The following ARHGAP6 variants were observed in gnomAD, a reference collection of about 807,000 sequenced individuals.
ARHGAP6 encodes the protein Rho GTPase activating protein 6, also known as rho GTPase-activating protein 6.
A neutral mutation model predicts 55.7 loss-of-function variants in ARHGAP6; 16 were observed. The observed-to-expected ratio is 0.29, with a 90% CI of 0.19 to 0.44. The LOEUF (loss-of-function observed/expected upper bound fraction) is 0.44. Among genes scored for constraint, ARHGAP6 ranks in the 20% least tolerant of loss-of-function variants. ARHGAP6 has a pLI of 1.00. For synonymous variants in ARHGAP6, 382 were observed against 360.9 expected, an observed-to-expected ratio of 1.06 and a Z score of -0.66; for missense variants, 698 against 808.9, an observed-to-expected ratio of 0.86 and a Z score of 1.66.
chrX:11,221,385 GT>G, intron 2 of ARHGAP6: 1 of 159,647 alleles, frequency 6.3e-6, no homozygotes. Flanking sequence ...TTGCAGGTAT[GT>G]TTTAGGAGCT....
intron 1 of ARHGAP6, among the ~76,000 whole-genome samples, chrX:11,554,482 G>A (rs1277344774): frequency 8.9e-6 from 1 of 111,862 alleles, no homozygotes; most frequent in African/African-American, 3.2e-5. Context: ...ATAAATGCTC[G>A]AGGTGATGGA....
intron 1 of ARHGAP6, among the ~76,000 whole-genome samples, chrX:11,410,362 G>C (rs924702583): frequency 8.9e-6 from 1 of 112,469 alleles, no homozygotes; most frequent in Non-Finnish European, 1.9e-5. Context: ...AGTGAAAGGA[G>C]ACAGTCACAA....
intron 1 of ARHGAP6, among the ~76,000 whole-genome samples, chrX:11,555,933 T>A (rs749093457): frequency 7.2e-5 from 8 of 110,640 alleles, no homozygotes; most frequent in African/African-American, 2.6e-4. Flanking sequence ...CCAGAATACA[T>A]AGGTCAACAC....
At chrX:11,506,033 C>G (rs1443409473) in intron 1 of ARHGAP6, among the ~76,000 whole-genome samples, 2 of 110,914 alleles carry the variant, frequency 1.8e-5, no homozygotes, top group Non-Finnish European at 3.8e-5. Flanking sequence ...ACCCCTGAAC[C>G]TAAAATAAAA....
At chrX:11,278,260 T>G (rs990503688) in intron 1 of ARHGAP6, among the ~76,000 whole-genome samples, 2 of 111,747 alleles carry the variant, frequency 1.8e-5, no homozygotes, top group Non-Finnish European at 3.8e-5. Flanking sequence ...GTTAATAACC[T>G]TGAGAGGGGG....
chrX:11,388,023 T>C (rs1569324598), intron 1 of ARHGAP6, among the ~76,000 whole-genome samples: 1 of 112,145 alleles, frequency 8.9e-6, no homozygotes. Flanking sequence ...TACGTGTGCA[T>C]GTGTCTTTAT....
chrX:11,536,176 C>G (rs887105573), intron 1 of ARHGAP6, among the ~76,000 whole-genome samples: 1 of 111,489 alleles, frequency 9.0e-6, no homozygotes, highest in African/African-American at 3.3e-5. Context: ...TCTCAGCACT[C>G]GCTGCTTCAG....
chrX:11,221,036 A>G (rs1001217680), intron 2 of ARHGAP6, among the ~76,000 whole-genome samples: 5 of 112,265 alleles, frequency 4.5e-5, no homozygotes, highest in Non-Finnish European at 7.5e-5. Flanking sequence ...GAGACAAAGA[A>G]GGACATTACA....
At position 11,146,678 on chromosome X, in the gene ARHGAP6, G is replaced by A. The variant is rs141199557; in HGVS notation, c.1908-2430C>T. On this transcript the variant is annotated intron_variant, in intron 10 of 12. Transcript: ENST00000337414. The stretch of plus-strand genomic sequence containing the variant: ...ACTGTTAACAACTCTCCTTTTTCCT[G>A]ACCTGAGTCTGGGATTGAGTGAAAG... 2.7e-3 allele frequency among the ~76,000 whole-genome samples: 304 copies of A among 112,178 alleles called. 2 individuals carry two copies. The highest frequency in any genetic ancestry group is 9.5e-3 in the African/African-American group (293 of 30,894).
intron 1 of ARHGAP6, among the ~76,000 whole-genome samples, chrX:11,451,053 C>A (rs1272141996): frequency 1.8e-5 from 2 of 111,336 alleles, no homozygotes; most frequent in African/African-American, 6.5e-5. Context: ...GCATAGCTTG[C>A]CCAGGGATGC....
intron 1 of ARHGAP6, among the ~76,000 whole-genome samples, chrX:11,271,080 A>T (rs981926399): frequency 6.3e-5 from 7 of 111,919 alleles, no homozygotes; most frequent in Non-Finnish European, 1.3e-4. Context: ...TTCTTGAAAT[A>T]AGAAGGAAAC....
intron 1 of ARHGAP6, among the ~76,000 whole-genome samples, chrX:11,655,043 C>T (rs1199940227): frequency 1.8e-5 from 2 of 111,623 alleles, no homozygotes; most frequent in African/African-American, 6.5e-5. Context: ...CATTAGCTGT[C>T]GCTCCACATC....
chrX:11,647,122 A>T (rs1034686015), intron 1 of ARHGAP6, among the ~76,000 whole-genome samples: 3 of 112,219 alleles, frequency 2.7e-5, no homozygotes, highest in Admixed American at 1.9e-4. Flanking sequence ...AGAGATGTTA[A>T]CGTAATTGCT....
At chrX:11,391,103 G>A (rs866632418) in intron 1 of ARHGAP6, among the ~76,000 whole-genome samples, 1 of 111,990 alleles carries the variant, frequency 8.9e-6, no homozygotes, top group African/African-American at 3.3e-5. Context: ...AGAAAATGTG[G>A]CACATATACA....
chrX:11,467,276 G>A (rs770558840), intron 1 of ARHGAP6, among the ~76,000 whole-genome samples: 313 of 109,757 alleles, frequency 2.9e-3, no homozygotes, highest in Non-Finnish European at 3.1e-3. Flanking sequence ...CCATTTCCAC[G>A]AAATATTTAA....
chrX:11,152,669 C>T (rs927362764), intron 10 of ARHGAP6, among the ~76,000 whole-genome samples: 3 of 111,919 alleles, frequency 2.7e-5, no homozygotes, highest in Non-Finnish European at 5.6e-5. Context: ...TTTCCTTCTC[C>T]AAACTCCAAG....
At chrX:11,362,278 G>T (rs2049022257) in intron 1 of ARHGAP6, among the ~76,000 whole-genome samples, 2 of 111,646 alleles carry the variant, frequency 1.8e-5, no homozygotes, top group Non-Finnish European at 3.8e-5. Context: ...AGGATAGACT[G>T]GATTAAGAAA....
intron 1 of ARHGAP6, among the ~76,000 whole-genome samples, chrX:11,594,739 C>T (rs1173695422): frequency 8.9e-6 from 1 of 112,011 alleles, no homozygotes; most frequent in East Asian, 2.8e-4. Flanking sequence ...AAAAAACTGT[C>T]TTCCACGAAA....
intron 1 of ARHGAP6, among the ~76,000 whole-genome samples, chrX:11,616,620 GCCCAGCCAACCTCTTTTCTTAATAAACTA>G: frequency 8.9e-6 from 1 of 111,733 alleles, no homozygotes; most frequent in South Asian, 3.7e-4. Flanking sequence ...GAGCAACTCC[GCCCAGCCAACCTCTTTTCTTAATAAACTA>G]CCAAGCCTCA....
Sources: allele counts gnomAD v4.1 joint callset (sites outside exome capture counted in the v4.1 genomes callset), GRCh38; gene constraint gnomAD v4.1.1; transcripts MANE v1.5; gene names NCBI Gene and HGNC (gene_info 2026-07-23, HGNC 2026-07-21).